TYW1B: variants seen among roughly 807,000 people sequenced by gnomAD.
TYW1B encodes S-adenosyl-L-methionine-dependent tRNA 4-demethylwyosine synthase TYW1B.
Under a neutral mutation model 86.9 loss-of-function variants are expected in TYW1B, and 73 were observed. The observed-to-expected ratio is 0.84, with a 90% CI of 0.70 to 1.02. The LOEUF is 1.02. Ranked by LOEUF, TYW1B falls within the 50% of genes least tolerant of loss-of-function variation. The pLI is 0.00. For synonymous variants in TYW1B, 248 were observed against 292.8 expected (o/e 0.85, Z 1.56); for missense variants, 637 against 827.4 (o/e 0.77, Z 2.82).
intron 11 of TYW1B, among the ~76,000 whole-genome samples, chr7:72,632,367 G>GTATATATA (rs1195035421): frequency 3.3e-5 from 2 of 60,468 alleles, no homozygotes; most frequent in African/African-American, 1.8e-4. Context: ...ATATATATAC[G>GTATATATA]CATATATATT....
chr7:72,689,395 GC>G (rs1554449985), intron 11 of TYW1B, among the ~76,000 whole-genome samples: 1 of 152,178 alleles, frequency 6.6e-6, no homozygotes, highest in Non-Finnish European at 1.5e-5. Context: ...ATTTCTGGCT[GC>G]ATTCAATTTT....
intron 13 of TYW1B, among the ~76,000 whole-genome samples, chr7:72,612,623 A>C (rs1241573668): frequency 6.6e-6 from 1 of 152,200 alleles, no homozygotes; most frequent in Non-Finnish European, 1.5e-5. Context: ...AGATGTGGAC[A>C]CCAGGTACCA....
intron 11 of TYW1B, among the ~76,000 whole-genome samples, chr7:72,634,344 TTTTTTTTTTTTC>T (rs1296408557): frequency 2.8e-5 from 4 of 144,150 alleles, no homozygotes; most frequent in African/African-American, 7.8e-5. Context: ...ACTCCTAGCT[TTTTTTTTTTTTC>T]TTTTTTTTTT....
At chr7:72,770,119 C>T (rs1787840409) in intron 7 of TYW1B, among the ~76,000 whole-genome samples, 1 of 150,816 alleles carries the variant, frequency 6.6e-6, no homozygotes, top group Admixed American at 6.6e-5. Flanking sequence ...CAACCATCAC[C>T]AGCAAAATGT....
chr7:72,660,599 T>C (rs1353640315), intron 11 of TYW1B, among the ~76,000 whole-genome samples: 2 of 152,210 alleles, frequency 1.3e-5, no homozygotes, highest in Non-Finnish European at 2.9e-5. Flanking sequence ...TGCAAAATCC[T>C]GCTACTGCTT....
intron 3 of TYW1B, among the ~76,000 whole-genome samples, chr7:72,812,604 C>T (rs1238506955): frequency 6.6e-6 from 1 of 150,814 alleles, no homozygotes; most frequent in African/African-American, 2.4e-5. Flanking sequence ...TCTTGGGGGA[C>T]AAAGAAATGG....
At chr7:72,679,548 AT>A (rs1415136400) in intron 11 of TYW1B, among the ~76,000 whole-genome samples, 2 of 152,206 alleles carry the variant, frequency 1.3e-5, no homozygotes, top group Non-Finnish European at 2.9e-5. Flanking sequence ...GGAGGCTACT[AT>A]TTAATGGGTA....
intron 8 of TYW1B, among the ~76,000 whole-genome samples, chr7:72,740,142 A>G (rs1203588915): frequency 1.6e-4 from 24 of 151,814 alleles, no homozygotes; most frequent in Non-Finnish European, 2.2e-4. Flanking sequence ...CTGAGGCAGG[A>G]GAATGGCATG....
intron 9 of TYW1B, among the ~76,000 whole-genome samples, chr7:72,716,990 C>A (rs1394230944): frequency 6.6e-6 from 1 of 151,770 alleles, no homozygotes; most frequent in Non-Finnish European, 1.5e-5. Flanking sequence ...GCAGGAGAAC[C>A]ACAGTTGCTT....
At chr7:72,773,571 G>T (rs1297040368) in intron 7 of TYW1B, among the ~76,000 whole-genome samples, 1 of 152,170 alleles carries the variant, frequency 6.6e-6, no homozygotes, top group East Asian at 1.9e-4. Context: ...GCTACAGTTT[G>T]CAGGATTGAA....
At chr7:72,732,093 G>A (rs1554460067) in intron 8 of TYW1B, among the ~76,000 whole-genome samples, 1 of 151,672 alleles carries the variant, frequency 6.6e-6, no homozygotes, top group Non-Finnish European at 1.5e-5. Context: ...TCTAACAACT[G>A]TAAATATTTA....
chr7:72,645,106 C>G (rs1563043725), intron 11 of TYW1B, among the ~76,000 whole-genome samples: 2 of 152,154 alleles, frequency 1.3e-5, no homozygotes, highest in Admixed American at 1.3e-4. Flanking sequence ...GGATTACAGG[C>G]GTGAGCCGCC....
In TYW1B at chr7:72,704,433, T is replaced by TA. The variant is rs1162253814; in HGVS notation, c.1370+9187dup. Among the ~76,000 whole-genome samples the TA allele has an allele frequency of 9.1e-3, 844 of 93,206 alleles. 16 individuals are homozygous for TA. The highest frequency in any genetic ancestry group is 0.029 in the African/African-American group (675 of 23,464). The allele number at this position is 93,206 out of a possible 152,430, so 61.1% of individuals were successfully genotyped here. ...TAGGAGACAGAATGAGATTCTATCTTAAAAAAAAAAAAAAAAAAAAAAAAG... is the reference window on the plus strand; with the variant it reads ...TAGGAGACAGAATGAGATTCTATCTTAAAAAAAAAAAAAAAAAAAAAAAAAG... On this transcript the variant is annotated intron_variant, in intron 10 of 13. Coordinates refer to ENST00000620995, the MANE Select transcript of TYW1B (RefSeq NM_001145440.3).
rs2844085 is a variant in TYW1B at position 72,605,817 on chromosome 7, A to G, written c.1785+10855T>C. Among the ~76,000 whole-genome samples, 9 of 152,306 alleles carry G rather than the reference A, an allele frequency of 5.9e-5. 1 individual carries two copies. In the South Asian group the frequency reaches 1.7e-3, roughly 28 times the overall value. ...AGCAGCCATACAACCTTAACTGGAC[A>G]ACACCTTTCAATTAAATAAAGAAAA... On this transcript the variant is annotated intron_variant, in intron 13 of 13. Transcript: ENST00000620995.
At chr7:72,794,976 G>C (rs1218563543) in intron 6 of TYW1B, among the ~76,000 whole-genome samples, 2 of 151,850 alleles carry the variant, frequency 1.3e-5, no homozygotes, top group African/African-American at 4.8e-5. Flanking sequence ...ATCACACCTG[G>C]CTAATTTTTG....
chr7:72,759,052 C>T (rs1272437770), intron 7 of TYW1B, among the ~76,000 whole-genome samples: 1 of 152,182 alleles, frequency 6.6e-6, no homozygotes, highest in Admixed American at 6.6e-5. Context: ...ACTAGGTGGC[C>T]AGGTGCGGTA....
intron 11 of TYW1B, among the ~76,000 whole-genome samples, chr7:72,689,332 T>TTATC (rs1814085144): frequency 6.6e-6 from 1 of 152,220 alleles, no homozygotes; most frequent in Non-Finnish European, 1.5e-5. Context: ...TATCATTATC[T>TTATC]TATTTTTCTC....
chr7:72,760,660 A>G (rs1391156876), intron 7 of TYW1B, among the ~76,000 whole-genome samples: 1 of 152,206 alleles, frequency 6.6e-6, no homozygotes, highest in African/African-American at 2.4e-5. Context: ...TTCAGTTCAC[A>G]TGACTTATGT....
intron 11 of TYW1B, among the ~76,000 whole-genome samples, chr7:72,657,352 C>T (rs1212669113): frequency 2.0e-5 from 3 of 151,788 alleles, no homozygotes; most frequent in Non-Finnish European, 4.4e-5. Context: ...ATGCAGGACA[C>T]CATAAAGCAA....
Sources: allele counts gnomAD v4.1 joint callset (sites outside exome capture counted in the v4.1 genomes callset), GRCh38; gene constraint gnomAD v4.1.1; transcripts MANE v1.5; gene names NCBI Gene and HGNC (gene_info 2026-07-23, HGNC 2026-07-21).